The following MS4A4E variants were observed in gnomAD, a reference collection of about 807,000 sequenced individuals.
MS4A4E encodes membrane spanning 4-domains A4E, also known as putative membrane-spanning 4-domains subfamily A member 4E.
Under a neutral mutation model 13.3 loss-of-function variants are expected in MS4A4E, and 23 were observed. The ratio of observed to expected loss-of-function variants is 1.73; its 90% CI spans 1.25 to 2.45. The LOEUF (loss-of-function observed/expected upper bound fraction) is 2.45, where lower values mean the gene tolerates loss of function less well. Among genes scored for constraint, MS4A4E ranks in the 30% most tolerant of loss-of-function variants. The pLI, the probability that MS4A4E is intolerant of heterozygous loss-of-function variation, is 0.00. For missense variants in MS4A4E, 144 were observed against 131.2 expected (o/e 1.10, Z -0.48); for synonymous variants, 36 against 45.6 (o/e 0.79, Z 0.85).
At chr11:60,202,974 T>C (rs565389920) in intron 8 of MS4A4E, among the ~76,000 whole-genome samples, 2 of 152,312 alleles carry the variant, frequency 1.3e-5, no homozygotes, top group South Asian at 4.1e-4. Flanking sequence ...TTCCCACTTC[T>C]AAAACTTCAC....
In MS4A4E at chr11:60,210,041, G is replaced by A. The variant is rs117938034; in HGVS notation, c.382-1347C>T. Among the ~76,000 whole-genome samples, 113 of 152,318 alleles carry A rather than the reference G, an allele frequency of 7.4e-4. 5 individuals are homozygous for A. The East Asian group carries it at 0.022, about 29-fold the overall frequency. Reference sequence around the variant, plus strand: ...TACCATCTAGAAGTGTAGACTAGAAGATGGCAAGCTTTCCGTAAAGGCCAG... The same window carrying A: ...TACCATCTAGAAGTGTAGACTAGAAAATGGCAAGCTTTCCGTAAAGGCCAG... On this transcript the variant is annotated intron_variant, in intron 5 of 8. Transcript: ENST00000651255.
At chr11:60,214,190 G>A (rs1422691790) in intron 4 of MS4A4E, among the ~76,000 whole-genome samples, 1 of 152,140 alleles carries the variant, frequency 6.6e-6, no homozygotes, top group Admixed American at 6.6e-5. Flanking sequence ...ACAGGCATGA[G>A]CCACCGCGCC....
chr11:60,214,645 A>G (rs1313058944), intron 3 of MS4A4E, 31 bp from the exon 4 acceptor site: 1 of 1,426,940 alleles, frequency 7.0e-7, no homozygotes, highest in South Asian at 1.3e-5. Flanking sequence ...TGAGAGAAAA[A>G]AATGGAGATA....
intron 4 of MS4A4E, chr11:60,213,467 T>A (rs1291723531): frequency 3.3e-6 from 2 of 613,466 alleles, no homozygotes; most frequent in African/African-American, 1.9e-5. Context: ...ATCATTGTTC[T>A]AAACACTGCT....
intron 6 of MS4A4E, among the ~76,000 whole-genome samples, chr11:60,207,885 G>T (rs938440659): frequency 6.6e-6 from 1 of 152,166 alleles, no homozygotes; most frequent in African/African-American, 2.4e-5. Flanking sequence ...GGGCAGGTGG[G>T]CACAGACTGA....
At chr11:60,235,796 A>G (rs552528394) in intron 1 of MS4A4E, among the ~76,000 whole-genome samples, 1 of 152,294 alleles carries the variant, frequency 6.6e-6, no homozygotes, top group South Asian at 2.1e-4. Flanking sequence ...CTGCTATTTT[A>G]TTTTATCTCT....
At chr11:60,205,019 G>C (rs574851478) in intron 7 of MS4A4E, among the ~76,000 whole-genome samples, 61 bp from the exon 8 acceptor site, 1 of 152,188 alleles carries the variant, frequency 6.6e-6, no homozygotes, top group East Asian at 1.9e-4. Context: ...CATGAAAAGC[G>C]TGCATGGAGA....
At chr11:60,219,005 G>T (rs1436208527) in intron 3 of MS4A4E, among the ~76,000 whole-genome samples, 2 of 152,258 alleles carry the variant, frequency 1.3e-5, no homozygotes, top group Middle Eastern at 3.4e-3. Flanking sequence ...TGGATTAAAA[G>T]ATGGCCCACT....
intron 2 of MS4A4E, 120 bp from the exon 3 acceptor site, chr11:60,228,747 A>T (rs2084373355): frequency 2.1e-6 from 1 of 482,514 alleles, no homozygotes; most frequent in Non-Finnish European, 3.6e-6. Context: ...ATGAAATATT[A>T]TTCAGTACTA....
At chr11:60,225,658 G>T (rs1004414737) in intron 3 of MS4A4E, among the ~76,000 whole-genome samples, 1 of 151,986 alleles carries the variant, frequency 6.6e-6, no homozygotes, top group African/African-American at 2.4e-5. Flanking sequence ...AGTGAAAGCA[G>T]TGCTTAGAAA....
intron 3 of MS4A4E, among the ~76,000 whole-genome samples, chr11:60,226,421 C>T (rs1413951376): frequency 6.6e-6 from 1 of 151,962 alleles, no homozygotes; most frequent in Non-Finnish European, 1.5e-5. Context: ...AATAGTGTAT[C>T]AAAAGAATTA....
At chr11:60,238,318 T>C (rs1223386869) in intron 1 of MS4A4E, among the ~76,000 whole-genome samples, 2 of 152,070 alleles carry the variant, frequency 1.3e-5, no homozygotes, top group East Asian at 3.9e-4. Context: ...TAAAAGTTTT[T>C]AAAATTCCTC....
In MS4A4E at chr11:60,200,503, T is replaced by G. The variant is rs971208175; in HGVS notation, c.*1040A>C. ...GAGTGGTGATGACTCTTAACGAGCA[T>G]GCTGCCTTCAAGCATCTGTTTAACA... On this transcript the variant is annotated 3_prime_UTR_variant, in exon 9 of 9. Transcript: ENST00000651255. 6.6e-6 allele frequency among the ~76,000 whole-genome samples: 1 copy of G among 152,126 alleles called. No individual in the cohort carries two copies. The highest frequency in any genetic ancestry group is 2.4e-5 in the African/African-American group (1 of 41,402).
chr11:60,222,328 C>A (rs548462549), intron 3 of MS4A4E, among the ~76,000 whole-genome samples: 10 of 152,192 alleles, frequency 6.6e-5, no homozygotes, highest in African/African-American at 2.2e-4. Context: ...AAGGCACTCA[C>A]TTGTTGGCTA....
chr11:60,216,331 G>A (rs1239583725), intron 3 of MS4A4E, among the ~76,000 whole-genome samples: 2 of 152,010 alleles, frequency 1.3e-5, no homozygotes, highest in African/African-American at 2.4e-5. Context: ...AAAAGAAAAT[G>A]GACATGAAAG....
At chr11:60,225,263 A>G (rs1028520473) in intron 3 of MS4A4E, among the ~76,000 whole-genome samples, 3 of 152,130 alleles carry the variant, frequency 2.0e-5, no homozygotes, top group African/African-American at 7.2e-5. Context: ...ATATTATCTT[A>G]CCAATATTAT....
chr11:60,220,344 T>C (rs2084254196), intron 3 of MS4A4E, among the ~76,000 whole-genome samples: 2 of 152,224 alleles, frequency 1.3e-5, no homozygotes, highest in Admixed American at 1.3e-4. Context: ...CATCTTCTGG[T>C]ACCTGGTAAG....
At chr11:60,240,736 C>T (rs1031431909) in intron 1 of MS4A4E, among the ~76,000 whole-genome samples, 4 of 152,138 alleles carry the variant, frequency 2.6e-5, no homozygotes, top group Admixed American at 6.5e-5. Context: ...TCCACTCCCC[C>T]GGCCATGACC....
intron 5 of MS4A4E, among the ~76,000 whole-genome samples, chr11:60,212,329 A>AGAC (rs1206274459): frequency 8.6e-6 from 1 of 115,922 alleles, no homozygotes; most frequent in East Asian, 2.5e-4. Flanking sequence ...TTTTTTTTTG[A>AGAC]GACAGAGTCT....
Sources: allele counts gnomAD v4.1 joint callset (sites outside exome capture counted in the v4.1 genomes callset), GRCh38; gene constraint gnomAD v4.1.1; transcripts MANE v1.5; gene names NCBI Gene and HGNC (gene_info 2026-07-23, HGNC 2026-07-21).